MACROD2: variants seen among roughly 807,000 people sequenced by gnomAD.
MACROD2 encodes the protein mono-ADP ribosylhydrolase 2, also known as ADP-ribose glycohydrolase MACROD2.
A neutral mutation model predicts 70.4 loss-of-function variants in MACROD2; 36 were observed. The ratio of observed to expected loss-of-function variants is 0.51; its 90% confidence interval spans 0.39 to 0.68. The LOEUF (loss-of-function observed/expected upper bound fraction) is 0.68. Among genes scored for constraint, MACROD2 ranks in the 30% least tolerant of loss-of-function variants. The pLI, the probability that MACROD2 is intolerant of heterozygous loss-of-function variation, is 0.00. For missense variants in MACROD2, 496 were observed against 538.4 expected, an observed-to-expected ratio of 0.92 and a Z score of 0.78; for synonymous variants, 172 against 178.8, an observed-to-expected ratio of 0.96 and a Z score of 0.30.
At chr20:15,127,371 C>T (rs1341752250) in intron 5 of MACROD2, among the ~76,000 whole-genome samples, 1 of 152,076 alleles carries the variant, frequency 6.6e-6, no homozygotes, top group Admixed American at 6.6e-5. Context: ...CATTAGTTAT[C>T]TACTGCTGCA....
chr20:14,349,496 A>G (rs2083098978), intron 3 of MACROD2, among the ~76,000 whole-genome samples: 1 of 148,964 alleles, frequency 6.7e-6, no homozygotes, highest in South Asian at 2.1e-4. Flanking sequence ...TATATATATA[A>G]TAGTACCTAT....
chr20:15,840,978 T>TA (rs1007150548), intron 8 of MACROD2, among the ~76,000 whole-genome samples: 1 of 152,186 alleles, frequency 6.6e-6, no homozygotes, highest in African/African-American at 2.4e-5. Flanking sequence ...TTTAATCTTT[T>TA]AAAAAATGGT....
intron 3 of MACROD2, among the ~76,000 whole-genome samples, chr20:14,102,033 T>C (rs1476643281): frequency 5.1e-5 from 6 of 117,642 alleles, no homozygotes; most frequent in African/African-American, 1.6e-4. Flanking sequence ...AGACGGAGTC[T>C]CACTCTGTCA....
intron 8 of MACROD2, among the ~76,000 whole-genome samples, chr20:15,705,125 G>T (rs1315859078): frequency 6.6e-6 from 1 of 152,014 alleles, no homozygotes; most frequent in African/African-American, 2.4e-5. Flanking sequence ...ATTATAAATT[G>T]ATGTGTTTTA....
At chr20:15,516,579 C>A (rs2146521868) in intron 8 of MACROD2, among the ~76,000 whole-genome samples, 1 of 152,246 alleles carries the variant, frequency 6.6e-6, no homozygotes, top group African/African-American at 2.4e-5. Flanking sequence ...TCAAGGAAGA[C>A]TCTGGGTGCG....
chr20:14,980,955 C>A (rs998447847), intron 5 of MACROD2, among the ~76,000 whole-genome samples: 6 of 152,118 alleles, frequency 3.9e-5, no homozygotes, highest in Non-Finnish European at 8.8e-5. Context: ...TAGGCCCCTC[C>A]TTAGCTCCTT....
intron 5 of MACROD2, among the ~76,000 whole-genome samples, chr20:15,054,784 T>G (rs1349205336): frequency 1.3e-5 from 2 of 151,846 alleles, no homozygotes; most frequent in Non-Finnish European, 2.9e-5. Flanking sequence ...TACCCACAAC[T>G]TTTTTTTGTT....
At chr20:15,276,479 A>G (rs1008187344) in intron 6 of MACROD2, among the ~76,000 whole-genome samples, 4 of 152,200 alleles carry the variant, frequency 2.6e-5, no homozygotes, top group Non-Finnish European at 5.9e-5. Context: ...AAACTTTTAC[A>G]AAATATTAAT....
rs1306220215 is a variant in MACROD2, at chr20:14,850,154, T to C, written c.418+165195T>C. 9.0e-6 allele frequency: 3 copies of C among 331,726 alleles called. No homozygotes were observed. In the Admixed American group the frequency reaches 1.3e-4, roughly 14 times the overall value. The allele number at this position is 331,726 out of a possible 1,614,324, so 20.5% of individuals were successfully genotyped here. On this transcript the variant is annotated intron_variant, in intron 5 of 17. Transcript: ENST00000684519. ...TTGGGGGTCATCTAGGACACTGAAA[T>C]TCTGCTTGCAACTTGTTTAGCTGGA...
intron 10 of MACROD2, among the ~76,000 whole-genome samples, chr20:15,888,055 C>G (rs1601062716): frequency 1.3e-5 from 2 of 152,234 alleles, no homozygotes; most frequent in African/African-American, 4.8e-5. Context: ...GTATTGGCTG[C>G]TTTCCTTTTC....
intron 3 of MACROD2, among the ~76,000 whole-genome samples, chr20:14,409,764 T>C (rs765065165): frequency 1.3e-5 from 2 of 152,134 alleles, no homozygotes; most frequent in Non-Finnish European, 2.9e-5. Flanking sequence ...TTAGTGTCCT[T>C]AATTGCTGCT....
At chr20:14,745,357 G>A (rs1184360581) in intron 5 of MACROD2, among the ~76,000 whole-genome samples, 1 of 152,202 alleles carries the variant, frequency 6.6e-6, no homozygotes, top group Non-Finnish European at 1.5e-5. Context: ...GAGTATGGTA[G>A]AAGAGAGGTT....
At chr20:15,465,103 A>G (rs1184619350) in intron 7 of MACROD2, among the ~76,000 whole-genome samples, 1 of 152,086 alleles carries the variant, frequency 6.6e-6, no homozygotes, top group Non-Finnish European at 1.5e-5. Flanking sequence ...TCAATACTCT[A>G]TATAGGTAGA....
At chr20:14,514,514 A>G (rs1404939767) in intron 4 of MACROD2, among the ~76,000 whole-genome samples, 8 of 152,148 alleles carry the variant, frequency 5.3e-5, no homozygotes, top group African/African-American at 1.9e-4. Flanking sequence ...GAGAAAAGTT[A>G]TCCACCAATC....
intron 5 of MACROD2, among the ~76,000 whole-genome samples, chr20:14,957,621 A>T (rs2074548452): frequency 2.0e-5 from 3 of 152,078 alleles, no homozygotes; most frequent in Admixed American, 2.0e-4. Flanking sequence ...AGCAGGGAGG[A>T]GTGCAGTGCT....
chr20:15,203,621 G>C (rs2076676110), intron 5 of MACROD2, among the ~76,000 whole-genome samples: 1 of 152,032 alleles, frequency 6.6e-6, no homozygotes. Context: ...TAACTTATGT[G>C]TTAACTGCCA....
intron 5 of MACROD2, among the ~76,000 whole-genome samples, chr20:14,982,401 C>T (rs1262397152): frequency 6.6e-6 from 1 of 152,110 alleles, no homozygotes; most frequent in Non-Finnish European, 1.5e-5. Context: ...TGTTAATCAC[C>T]AAGACAATGG....
intron 6 of MACROD2, among the ~76,000 whole-genome samples, chr20:15,277,542 G>T (rs945067593): frequency 1.3e-5 from 2 of 152,192 alleles, no homozygotes; most frequent in African/African-American, 4.8e-5. Flanking sequence ...CTGTGATCTT[G>T]TGAAAATACA....
chr20:15,657,870 T>G (rs1445373696), intron 8 of MACROD2, among the ~76,000 whole-genome samples: 1 of 152,144 alleles, frequency 6.6e-6, no homozygotes, highest in African/African-American at 2.4e-5. Flanking sequence ...CACATGCCTG[T>G]AATACCCCGC....
Sources: gnomAD v4.1 joint callset for allele counts (sites outside exome capture counted in the v4.1 genomes callset) on GRCh38, gnomAD v4.1.1 for gene constraint, MANE v1.5 for transcripts, NCBI Gene and HGNC (gene_info 2026-07-23, HGNC 2026-07-21) for gene names.